The following CYP4X1 variants were observed in gnomAD, a reference collection of about 807,000 sequenced individuals.
The protein encoded by CYP4X1 is cytochrome P450 family 4 subfamily X member 1.
Under a neutral mutation model 57.9 loss-of-function variants are expected in CYP4X1, and 44 were observed. The ratio of observed to expected loss-of-function variants is 0.76; its 90% CI spans 0.60 to 0.98. The LOEUF (loss-of-function observed/expected upper bound fraction) is 0.98, where lower values mean the gene tolerates loss of function less well. Ranked by LOEUF, CYP4X1 falls within the 50% of genes least tolerant of loss-of-function variation. The pLI, the probability that CYP4X1 is intolerant of heterozygous loss-of-function variation, is 0.00. For synonymous variants in CYP4X1, 227 were observed against 228.6 expected (o/e 0.99, Z 0.06); for missense variants, 532 against 623.9 (o/e 0.85, Z 1.57).
chr1:47,025,467 G>C (rs1644052638), intron 1 of CYP4X1, among the ~76,000 whole-genome samples: 1 of 152,164 alleles, frequency 6.6e-6, no homozygotes, highest in African/African-American at 2.4e-5. Flanking sequence ...CTTTATGACA[G>C]GCAATCACTT....
intron 6 of CYP4X1, among the ~76,000 whole-genome samples, chr1:47,037,587 G>T (rs1331191755): frequency 1.3e-5 from 2 of 151,984 alleles, no homozygotes. Flanking sequence ...ATAAGTCCTT[G>T]TTGTCAAGAT....
chr1:47,026,351 T>C (rs1017578721), intron 1 of CYP4X1, among the ~76,000 whole-genome samples: 2 of 152,204 alleles, frequency 1.3e-5, no homozygotes, highest in Non-Finnish European at 2.9e-5. Flanking sequence ...TCCATAAATA[T>C]ATACACCTAC....
chr1:47,023,351 C>G (rs1412704461), upstream of CYP4X1, among the ~76,000 whole-genome samples: 3 of 152,112 alleles, frequency 2.0e-5, no homozygotes, highest in African/African-American at 7.2e-5. Context: ...AGGCAGGCCA[C>G]AGGATAAAGG....
At position 47,035,844 on chromosome 1, in the gene CYP4X1, C is replaced by T. The variant is rs777294133; in HGVS notation, c.531C>T (p.Ser177=). 20 of 1,613,304 alleles carry T rather than the reference C, an allele frequency of 1.2e-5. No individual in the cohort carries two copies. Among genetic ancestry groups the T allele is most frequent in the Non-Finnish European group, 1.4e-5 (17 of 1,179,714 alleles). ...WEKICSTQDT[S]VEVYEHINSM... The stretch of plus-strand genomic sequence containing the variant: ...AGATTTGCAGCACTCAGGACACAAG[C>T]GTGGAGGTCTATGAGCACATCAACT... Residue 177 remains serine (S), a synonymous_variant, in exon 5 of 12, where the codon AGC becomes AGT. Transcript: ENST00000371901.
chr1:47,021,600 G>C (rs1643998078), upstream of CYP4X1, among the ~76,000 whole-genome samples: 1 of 152,316 alleles, frequency 6.6e-6, no homozygotes, highest in East Asian at 1.9e-4. Flanking sequence ...AAGCAGAGAA[G>C]GCCTGAACTT....
At chr1:47,012,323 CTG>C in the CYP4X1 span, among the ~76,000 whole-genome samples, 1 of 152,200 alleles carries the variant, frequency 6.6e-6, no homozygotes, top group East Asian at 1.9e-4. Context: ...AAACCAAACA[CTG>C]TATGTTCTCG....
At chr1:47,049,024 G>T (rs970274089) in intron 10 of CYP4X1, among the ~76,000 whole-genome samples, 26 of 152,202 alleles carry the variant, frequency 1.7e-4, no homozygotes, top group African/African-American at 6.3e-4. Context: ...AGACAAATCA[G>T]CTGTGAAGCT....
chr1:47,019,246 G>A (rs142008045), upstream of CYP4X1, among the ~76,000 whole-genome samples: 29 of 152,204 alleles, frequency 1.9e-4, 1 homozygote, highest in Admixed American at 3.3e-4. Flanking sequence ...CAGGTGCTGC[G>A]GTGATTACCC....
chr1:46,989,335 A>G, the CYP4X1 span, among the ~76,000 whole-genome samples: 16 of 152,230 alleles, frequency 1.1e-4, no homozygotes, highest in Middle Eastern at 3.4e-3. Flanking sequence ...AGGAATACCA[A>G]TTTACAAGGG....
chr1:46,983,711 T>A, the CYP4X1 span, among the ~76,000 whole-genome samples: 3 of 152,142 alleles, frequency 2.0e-5, no homozygotes, highest in South Asian at 2.1e-4. Flanking sequence ...GGCTTCTTGC[T>A]TCCTCCCAGC....
At chr1:46,970,008 A>C in the CYP4X1 span, among the ~76,000 whole-genome samples, 1 of 152,230 alleles carries the variant, frequency 6.6e-6, no homozygotes, top group Non-Finnish European at 1.5e-5. Flanking sequence ...TTTCATTTGT[A>C]TGACTCCAAA....
chr1:47,038,938 C>T (rs990845842), intron 7 of CYP4X1, among the ~76,000 whole-genome samples, 172 bp downstream of exon 7: 3 of 152,156 alleles, frequency 2.0e-5, no homozygotes, highest in Non-Finnish European at 2.9e-5. Flanking sequence ...AATTCTGCAA[C>T]TGTGTCGCTA....
chr1:46,996,609 T>C, the CYP4X1 span, among the ~76,000 whole-genome samples: 2 of 152,228 alleles, frequency 1.3e-5, no homozygotes, highest in Non-Finnish European at 1.5e-5. Context: ...TAGAACTGTA[T>C]GTAGAGTATG....
At chr1:47,046,871 T>C (rs79113880) in intron 9 of CYP4X1, among the ~76,000 whole-genome samples, 2,805 of 152,286 alleles carry the variant, frequency 0.018, 34 homozygotes, top group Non-Finnish European at 0.029. Context: ...TCTTCCATTG[T>C]GGGACATCAT....
chr1:47,039,566 T>A, intron 8 of CYP4X1, 34 bp downstream of exon 8: 1 of 1,545,028 alleles, frequency 6.5e-7, no homozygotes, highest in Non-Finnish European at 8.7e-7. Flanking sequence ...TCCTGCTAGT[T>A]TTCCCCCTGA....
At chr1:46,974,347 C>G in the CYP4X1 span, among the ~76,000 whole-genome samples, 1 of 151,790 alleles carries the variant, frequency 6.6e-6, no homozygotes, top group Non-Finnish European at 1.5e-5. Flanking sequence ...TATGACCAAG[C>G]GTAGGGTCCA....
At chr1:47,014,504 TACCTC>T in the CYP4X1 span, among the ~76,000 whole-genome samples, 1 of 152,222 alleles carries the variant, frequency 6.6e-6, no homozygotes, top group African/African-American at 2.4e-5. Flanking sequence ...CACTTCTCCA[TACCTC>T]CTTACTGCCC....
downstream of CYP4X1, among the ~76,000 whole-genome samples, chr1:47,051,694 C>T (rs1183624995): frequency 1.3e-5 from 2 of 152,150 alleles, no homozygotes; most frequent in South Asian, 2.1e-4. Flanking sequence ...CAAACACCCA[C>T]GTCTAAAACC....
chr1:46,985,938 T>C, the CYP4X1 span, among the ~76,000 whole-genome samples: 1 of 152,074 alleles, frequency 6.6e-6, no homozygotes, highest in Non-Finnish European at 1.5e-5. Flanking sequence ...AGGCTGGAAA[T>C]TCCAAAAATC....
Sources: allele counts gnomAD v4.1 joint callset (sites outside exome capture counted in the v4.1 genomes callset), GRCh38; gene constraint gnomAD v4.1.1; transcripts MANE v1.5; gene names NCBI Gene and HGNC (gene_info 2026-07-23, HGNC 2026-07-21).